Variants in ANKFN1 observed in about 807,000 individuals in gnomAD.
ANKFN1 encodes the protein ankyrin repeat and fibronectin type III domain containing 1.
A neutral mutation model predicts 108.7 loss-of-function variants in ANKFN1; 74 were observed. The observed-to-expected ratio is 0.68, with a 90% CI of 0.56 to 0.83. The LOEUF (loss-of-function observed/expected upper bound fraction) is 0.83, where lower values mean the gene tolerates loss of function less well. ANKFN1 is among the 40% of genes least tolerant of loss of function. ANKFN1 has a pLI of 0.00. For synonymous variants in ANKFN1, 547 were observed against 516.2 expected, an observed-to-expected ratio of 1.06 and a Z score of -0.81; for missense variants, 1,505 against 1,382.3, an observed-to-expected ratio of 1.09 and a Z score of -1.41.
chr17:56,046,872 C>CG (rs1904687058), intron 4 of ANKFN1, among the ~76,000 whole-genome samples: 2 of 152,066 alleles, frequency 1.3e-5, no homozygotes, highest in Non-Finnish European at 1.5e-5. Context: ...AGTCTGGGCA[C>CG]GGAAAAGCAT....
At chr17:56,261,668 T>A (rs976222199) in intron 3 of ANKFN1, among the ~76,000 whole-genome samples, 4 of 152,172 alleles carry the variant, frequency 2.6e-5, no homozygotes, top group Non-Finnish European at 5.9e-5. Flanking sequence ...GCATCCAGCA[T>A]GGGAGAAAGA....
At chr17:56,143,045 AGGAAGCT>A (rs1908022835) in intron 4 of ANKFN1, among the ~76,000 whole-genome samples, 1 of 152,182 alleles carries the variant, frequency 6.6e-6, no homozygotes, top group South Asian at 2.1e-4. Flanking sequence ...TAGTATTCAC[AGGAAGCT>A]GAGATTCTCA....
At chr17:56,069,477 C>T (rs1905096430) in intron 4 of ANKFN1, among the ~76,000 whole-genome samples, 1 of 152,184 alleles carries the variant, frequency 6.6e-6, no homozygotes, top group Non-Finnish European at 1.5e-5. Context: ...GGACATTCCT[C>T]CTAAGCAAAC....
intron 4 of ANKFN1, among the ~76,000 whole-genome samples, chr17:56,056,804 A>G (rs1325906996): frequency 1.3e-5 from 2 of 152,262 alleles, no homozygotes; most frequent in Non-Finnish European, 2.9e-5. Context: ...AAATGCAACA[A>G]AAATGAAAAT....
chr17:56,194,596 G>A lies in ANKFN1; in HGVS notation c.-70-18002G>A, dbSNP rs184539905. Among the ~76,000 whole-genome samples, 11 of 152,298 alleles carry A rather than the reference G, an allele frequency of 7.2e-5. No homozygotes were observed. The East Asian group carries it at 2.1e-3, about 29-fold the overall frequency. On this transcript the variant is annotated intron_variant, in intron 1 of 20. Coordinates refer to ENST00000682825, the MANE Select transcript of ANKFN1 (RefSeq NM_001370326.1). ...AGTGGTTGCCAGTGGTTAGCAGGGT[G>A]GGAAGGATGATTAAGCAGAGCACAG...
intron 2 of ANKFN1, among the ~76,000 whole-genome samples, chr17:56,220,665 A>G (rs563922095): frequency 6.6e-6 from 1 of 151,148 alleles, no homozygotes; most frequent in African/African-American, 2.4e-5. Context: ...AAAAAGAAAG[A>G]AAGAAAGAGG....
chr17:56,228,685 A>G, intron 3 of ANKFN1: 1 of 152,110 alleles, frequency 6.6e-6, no homozygotes, highest in Non-Finnish European at 1.5e-5. Context: ...TTACAAAAGC[A>G]GGAGGTAGAT....
chr17:56,360,295 A>C (rs1480981247), intron 6 of ANKFN1, among the ~76,000 whole-genome samples: 1 of 152,056 alleles, frequency 6.6e-6, no homozygotes, highest in South Asian at 2.1e-4. Flanking sequence ...TATTCCATCT[A>C]CTTGGAATGC....
chr17:56,251,131 C>A (rs1390050238), intron 3 of ANKFN1, among the ~76,000 whole-genome samples: 1 of 152,206 alleles, frequency 6.6e-6, no homozygotes, highest in Non-Finnish European at 1.5e-5. Flanking sequence ...TGGCTCATGC[C>A]TATAAACCCA....
At chr17:56,480,603 G>C in intron 16 of ANKFN1, 65 bp from the exon 17 acceptor site, 1 of 1,539,758 alleles carries the variant, frequency 6.5e-7, no homozygotes, top group Non-Finnish European at 8.9e-7. Context: ...CATACACTAA[G>C]AAAGTTCTGA....
chr17:56,285,912 G>T (rs1235319068), intron 3 of ANKFN1, among the ~76,000 whole-genome samples: 1 of 151,976 alleles, frequency 6.6e-6, no homozygotes, highest in Non-Finnish European at 1.5e-5. Flanking sequence ...CCTAGTCTTT[G>T]TAACATAAAT....
intron 1 of ANKFN1, among the ~76,000 whole-genome samples, chr17:56,188,323 T>C (rs1422130321): frequency 6.6e-6 from 1 of 151,724 alleles, no homozygotes; most frequent in African/African-American, 2.4e-5. Flanking sequence ...CAAAATGTCA[T>C]TGATTTTGAA....
Position 56,185,405 on chromosome 17 carries a change from G to A in ANKFN1, c.-70-27193G>A, listed in dbSNP as rs151024016. Among the ~76,000 whole-genome samples the A allele has an allele frequency of 3.9e-3, 587 of 152,206 alleles. 2 individuals are homozygous for A. The highest frequency in any genetic ancestry group is 0.013 in the African/African-American group (554 of 41,520). On this transcript the variant is annotated intron_variant, in intron 1 of 20. Coordinates refer to ENST00000682825, the MANE Select transcript of ANKFN1 (RefSeq NM_001370326.1). ...TTTTAATTATTTTGCCATAGGACAG[G>A]GTCTCCATAACCTTTATAACCCCCC...
chr17:56,170,523 G>C (rs1910554788), intron 1 of ANKFN1, among the ~76,000 whole-genome samples: 1 of 151,772 alleles, frequency 6.6e-6, no homozygotes, highest in African/African-American at 2.4e-5. Context: ...AGCACCTTGG[G>C]AGGCCAAGGT....
Position 56,285,635 on chromosome 17 carries a change from C to T in ANKFN1, c.54-40586C>T, listed in dbSNP as rs1019146746. Among the ~76,000 whole-genome samples, 5 of 152,158 alleles carry T rather than the reference C, an allele frequency of 3.3e-5. 1 individual carries two copies. The highest frequency in any genetic ancestry group is 1.5e-5 in the Non-Finnish European group (1 of 68,018). On this transcript the variant is annotated intron_variant, in intron 3 of 20. Transcript: ENST00000682825. ...CTCTCTCCCCATGTATAACTCAACT[C>T]CTGCTTCTACCCACAGCTTGTGACT...
At position 56,480,744 on chromosome 17, in the gene ANKFN1, A is replaced by G. The variant is rs2050664662; in HGVS notation, c.2017A>G (p.Met673Val). The part of the protein sequence containing the change: ...ESVDHTSDCP[M>V]QLFFYELQMA... ...TGTGGATCATACTTCTGACTGCCCC[A>G]TGCAATTGTTCTTCTACGAGCTCCA... Residue 673 changes from methionine to valine, a missense_variant, in exon 17 of 21, where the codon ATG becomes GTG. Coordinates refer to ENST00000682825, the MANE Select transcript of ANKFN1 (RefSeq NM_001370326.1). The G allele has an allele frequency of 6.2e-7, 1 of 1,614,046 alleles. No individual in the cohort carries two copies. The highest frequency in any genetic ancestry group is 8.5e-7 in the Non-Finnish European group (1 of 1,179,948).
intron 8 of ANKFN1, among the ~76,000 whole-genome samples, chr17:56,430,065 T>TTCCAA (rs2048701928): frequency 2.6e-5 from 4 of 151,742 alleles, no homozygotes; most frequent in Admixed American, 6.6e-5. Flanking sequence ...GAAGGGAGAG[T>TTCCAA]CATTTTGATG....
At chr17:56,197,500 A>G (rs1913632208) in intron 1 of ANKFN1, among the ~76,000 whole-genome samples, 1 of 152,200 alleles carries the variant, frequency 6.6e-6, no homozygotes, top group African/African-American at 2.4e-5. Flanking sequence ...GTCTAGACAC[A>G]TAGTACACAC....
intron 4 of ANKFN1, among the ~76,000 whole-genome samples, chr17:56,092,512 G>T (rs1428581476): frequency 2.0e-5 from 3 of 150,934 alleles, no homozygotes. Flanking sequence ...CTGACCTCAT[G>T]ATCCACCCAC....
Sources: allele counts gnomAD v4.1 joint callset (sites outside exome capture counted in the v4.1 genomes callset), GRCh38; gene constraint gnomAD v4.1.1; transcripts MANE v1.5; gene names NCBI Gene and HGNC (gene_info 2026-07-23, HGNC 2026-07-21).